The following PCMT1 variants were observed in gnomAD, a reference collection of about 807,000 sequenced individuals.
The protein encoded by PCMT1 is protein-L-isoaspartate(D-aspartate) O-methyltransferase.
PCMT1 carries 9 observed loss-of-function variants against 29.2 expected under a neutral mutation model. That is an observed-to-expected ratio of 0.31 (90% CI 0.19 to 0.54). The LOEUF (loss-of-function observed/expected upper bound fraction) is 0.54. Among genes scored for constraint, PCMT1 ranks in the 20% least tolerant of loss-of-function variants. PCMT1 has a pLI of 0.95. For missense variants in PCMT1, 184 were observed against 282.2 expected (o/e 0.65, Z 2.49); for synonymous variants, 98 against 97.5 (o/e 1.00, Z -0.03).
chr6:149,752,789 T>A (rs536419832), intron 1 of PCMT1, among the ~76,000 whole-genome samples: 1 of 152,306 alleles, frequency 6.6e-6, no homozygotes, highest in East Asian at 1.9e-4. Context: ...AAATTTGTAA[T>A]CAATCAGGCT....
rs1433309323 is a variant in PCMT1, at chr6:149,793,584, C to T, written c.333C>T (p.His111=). Residue 111 remains histidine, a synonymous_variant, in exon 5 of 8, where the codon CAC becomes CAT. Transcript: ENST00000464889. ...CTGGAAAAGTCATAGGAATTGATCA[C>T]ATTAAAGAGCTAGTAGATGACTCAG... is the stretch of plus-strand genomic sequence containing the variant. ...GCTGKVIGID[H]IKELVDDSVN... 4 of 1,546,342 alleles carry T rather than the reference C, an allele frequency of 2.6e-6. No homozygotes were observed. The highest frequency in any genetic ancestry group is 3.5e-6 in the Non-Finnish European group (4 of 1,155,540).
At chr6:149,758,407 T>C (rs904427293) in intron 1 of PCMT1, among the ~76,000 whole-genome samples, 8 of 151,320 alleles carry the variant, frequency 5.3e-5, no homozygotes, top group Non-Finnish European at 1.0e-4. Context: ...AGGCGAGGTT[T>C]CACCATGTTG....
chr6:149,774,257 T>TTC (rs1183992885), intron 3 of PCMT1, among the ~76,000 whole-genome samples: 5 of 150,266 alleles, frequency 3.3e-5, no homozygotes, highest in African/African-American at 1.2e-4. Flanking sequence ...TTTTTTTTTT[T>TTC]GAGATGGAGT....
intron 4 of PCMT1, 104 bp from the exon 5 acceptor site, chr6:149,793,445 T>C: frequency 9.4e-7 from 1 of 1,059,360 alleles, no homozygotes; most frequent in Non-Finnish European, 1.3e-6. Flanking sequence ...GCTATTTTTG[T>C]TTTCTCTTTG....
At chr6:149,765,210 A>G (rs934411903) in intron 1 of PCMT1, among the ~76,000 whole-genome samples, 1 of 147,180 alleles carries the variant, frequency 6.8e-6, no homozygotes, top group Non-Finnish European at 1.5e-5. Flanking sequence ...AATACAGAAA[A>G]TTAGCCGGGT....
chr6:149,810,142 T>C (rs1337227653), intron 7 of PCMT1: 1 of 155,238 alleles, frequency 6.4e-6, no homozygotes, highest in East Asian at 1.9e-4. Context: ...TACCTACAGA[T>C]GATGCCTTTT....
At chr6:149,757,852 C>T (rs890362130) in intron 1 of PCMT1, among the ~76,000 whole-genome samples, 2 of 151,922 alleles carry the variant, frequency 1.3e-5, no homozygotes, top group African/African-American at 4.8e-5. Flanking sequence ...CCCCAGTGGT[C>T]CCTTGTACCT....
chr6:149,772,317 G>A (rs1159035843), intron 2 of PCMT1: 1 of 328,808 alleles, frequency 3.0e-6, no homozygotes, highest in East Asian at 8.1e-5. Context: ...AAAAGATTGT[G>A]TGAATTAACA....
chr6:149,792,452 A>G (rs979098623), intron 4 of PCMT1, among the ~76,000 whole-genome samples: 26 of 152,172 alleles, frequency 1.7e-4, no homozygotes, highest in African/African-American at 6.0e-4. Flanking sequence ...TTCTTGAAAC[A>G]TTTATACTTA....
intron 5 of PCMT1, chr6:149,795,581 GA>G: frequency 1.9e-6 from 1 of 525,490 alleles, no homozygotes; most frequent in Non-Finnish European, 3.5e-6. Flanking sequence ...AACCCAATGA[GA>G]AAGGAGAGTA....
In PCMT1 at chr6:149,765,350, ACT is replaced by A. The variant is rs1439448834; in HGVS notation, c.56-5809_56-5808del. On this transcript the variant is annotated intron_variant, in intron 1 of 7. Coordinates refer to ENST00000464889, the MANE Select transcript of PCMT1 (RefSeq NM_001360452.2). ...ACTCCAGCCTGGGAGACAGAGCGAG[ACT>A]CTGTCTCAAAAAAAAAAAAAAAAAA... 3.0e-5 allele frequency among the ~76,000 whole-genome samples: 3 copies of A among 101,208 alleles called. No individual in the cohort carries two copies. In the Admixed American group the frequency reaches 4.3e-4, roughly 15 times the overall value. 66.4% of individuals were successfully genotyped at this position (101,208 alleles called of 152,430 possible). A position where few individuals can be genotyped will look rare whatever the true frequency, so the allele number is the denominator to read the frequency against.
chr6:149,784,374 TC>T (rs1787936753), intron 3 of PCMT1, among the ~76,000 whole-genome samples: 1 of 152,170 alleles, frequency 6.6e-6, no homozygotes, highest in Admixed American at 6.5e-5. Context: ...ATGGAAGAGT[TC>T]CAGTACCATA....
chr6:149,766,056 G>C (rs955665209), intron 1 of PCMT1, among the ~76,000 whole-genome samples: 3 of 151,148 alleles, frequency 2.0e-5, no homozygotes, highest in Admixed American at 1.3e-4. Flanking sequence ...CTGTACAGCA[G>C]TCAGTGATCT....
chr6:149,752,035 G>GGTTT (rs1408778761), intron 1 of PCMT1, among the ~76,000 whole-genome samples: 1 of 97,860 alleles, frequency 1.0e-5, no homozygotes, highest in East Asian at 7.8e-4. Context: ...TAATTTTTAG[G>GGTTT]GTTTTTTTTT....
chr6:149,762,816 A>AT (rs1786855040), intron 1 of PCMT1, among the ~76,000 whole-genome samples: 1 of 53,132 alleles, frequency 1.9e-5, no homozygotes, highest in Non-Finnish European at 2.6e-5. Context: ...TATCTATGAT[A>AT]ATCTATGATA....
intron 3 of PCMT1, among the ~76,000 whole-genome samples, chr6:149,776,356 G>A (rs75381496): frequency 1.1e-4 from 10 of 91,462 alleles, no homozygotes; most frequent in Middle Eastern, 5.8e-3. Context: ...CAAGCAATTC[G>A]CGTGCCTTAC....
Position 149,762,533 on chromosome 6 carries a change from G to GATAT in PCMT1, c.56-8622_56-8619dup, listed in dbSNP as rs372465246. On this transcript the variant is annotated intron_variant, in intron 1 of 7. Transcript: ENST00000464889. Reference sequence around the variant, plus strand: ...ATATATCTATGATATATATATCTATGATATATATATCTATGATATATATAT... The same window carrying GATAT: ...ATATATCTATGATATATATATCTATGATATATATATATATCTATGATATATATAT... Among the ~76,000 whole-genome samples the GATAT allele has an allele frequency of 4.7e-4, 12 of 25,656 alleles. 3 individuals are homozygous for GATAT. The highest frequency in any genetic ancestry group is 0.013 in the East Asian group (2 of 156). The allele number at this position is 25,656 out of a possible 152,430, so 16.8% of individuals were successfully genotyped here. A position where few individuals can be genotyped will look rare whatever the true frequency, so the allele number is the denominator to read the frequency against.
intron 3 of PCMT1, among the ~76,000 whole-genome samples, chr6:149,776,900 C>T (rs578202213): frequency 2.6e-5 from 4 of 151,994 alleles, no homozygotes; most frequent in Non-Finnish European, 5.9e-5. Context: ...CAGTATCTAT[C>T]GAAATGTGAA....
At chr6:149,794,707 T>G (rs1583050427) in intron 5 of PCMT1, 2 of 406,132 alleles carry the variant, frequency 4.9e-6, no homozygotes, top group South Asian at 3.7e-5. Flanking sequence ...GAAGTGGAGG[T>G]GTTGCTTGCC....
Sources: gnomAD v4.1 joint callset for allele counts (sites outside exome capture counted in the v4.1 genomes callset) on GRCh38, gnomAD v4.1.1 for gene constraint, MANE v1.5 for transcripts, NCBI Gene and HGNC (gene_info 2026-07-23, HGNC 2026-07-21) for gene names.